Variants in DSCAM observed in about 807,000 individuals in gnomAD.
DSCAM encodes DS cell adhesion molecule.
In DSCAM, 47 loss-of-function variants were observed where a neutral mutation model predicts 217.7. The ratio of observed to expected loss-of-function variants is 0.22; its 90% CI spans 0.17 to 0.28. The LOEUF (loss-of-function observed/expected upper bound fraction) is 0.28, where lower values mean the gene tolerates loss of function less well. Ranked by LOEUF, DSCAM falls within the 10% of genes least tolerant of loss-of-function variation. The pLI is 1.00. For missense variants in DSCAM, 2,080 were observed against 2,618.3 expected (o/e 0.79, Z 4.49); for synonymous variants, 1,056 against 1,015.3 (o/e 1.04, Z -0.76).
intron 16 of DSCAM, among the ~76,000 whole-genome samples, chr21:40,151,387 C>T (rs557957115): frequency 6.6e-6 from 1 of 152,178 alleles, no homozygotes; most frequent in East Asian, 1.9e-4. Context: ...ACTTCTACCT[C>T]CTCTAGTGGC....
chr21:40,520,591 G>T (rs1460707278), intron 3 of DSCAM, among the ~76,000 whole-genome samples: 1 of 152,022 alleles, frequency 6.6e-6, no homozygotes, highest in Non-Finnish European at 1.5e-5. Flanking sequence ...GGCAGATCAC[G>T]AGATCAGGAG....
At chr21:40,676,055 A>G (rs1055307926) in intron 3 of DSCAM, among the ~76,000 whole-genome samples, 2 of 152,248 alleles carry the variant, frequency 1.3e-5, no homozygotes, top group African/African-American at 4.8e-5. Flanking sequence ...ATCAATAACT[A>G]TGCAACAAGT....
Position 40,319,392 on chromosome 21 carries a change from C to T in DSCAM, c.1784-7033G>A, listed in dbSNP as rs180896418. The stretch of plus-strand genomic sequence containing the variant: ...TGTCAAGGCACTGAACCTGCTGTGA[C>T]TTGGAGAAAACAAACAAGAAAGGCT... On this transcript the variant is annotated intron_variant, in intron 8 of 32. Transcript: ENST00000400454. 5.0e-4 allele frequency among the ~76,000 whole-genome samples: 76 copies of T among 152,266 alleles called. 2 individuals carry two copies. The highest frequency in any genetic ancestry group is 4.8e-3 in the Admixed American group (73 of 15,278).
chr21:40,841,640 A>G (rs979999184), intron 1 of DSCAM, among the ~76,000 whole-genome samples: 9 of 152,220 alleles, frequency 5.9e-5, no homozygotes, highest in African/African-American at 2.2e-4. Context: ...CGGGCACGTC[A>G]GCATCACCCC....
At chr21:40,028,490 C>A in intron 32 of DSCAM, among the ~76,000 whole-genome samples, 1 of 151,876 alleles carries the variant, frequency 6.6e-6, no homozygotes. Flanking sequence ...GCTCTGCTAG[C>A]AATCAGCGAG....
intron 32 of DSCAM, among the ~76,000 whole-genome samples, chr21:40,017,563 C>T (rs1332439550): frequency 1.0e-5 from 1 of 95,476 alleles, no homozygotes; most frequent in Non-Finnish European, 2.2e-5. Context: ...TGGGCCATAA[C>T]ATTTTTTTTT....
chr21:40,178,785 T>C lies in DSCAM; in HGVS notation c.2947+142A>G, dbSNP rs925070279. The C allele has an allele frequency of 1.2e-5, 11 of 955,244 alleles. No homozygotes were observed. In the South Asian group the frequency reaches 1.2e-4, roughly 10 times the overall value. 59.2% of individuals were successfully genotyped at this position (955,244 alleles called of 1,614,324 possible). A position where few individuals can be genotyped will look rare whatever the true frequency, so the allele number is the denominator to read the frequency against. ...TGCAGAGCGCTGTCTGCGTTTTTTA[T>C]AGGGCACAGAACTACGGAGAGCACG... On this transcript the variant is annotated intron_variant, in intron 15 of 32. Coordinates refer to ENST00000400454, the MANE Select transcript of DSCAM (RefSeq NM_001389.5).
chr21:40,182,429 G>C (rs1601416142), intron 14 of DSCAM, among the ~76,000 whole-genome samples: 1 of 151,980 alleles, frequency 6.6e-6, no homozygotes, highest in African/African-American at 2.4e-5. Context: ...AGCTTGCCAT[G>C]GTGCTGAAAC....
At chr21:40,236,166 G>A (rs1277428203) in intron 11 of DSCAM, among the ~76,000 whole-genome samples, 3 of 152,196 alleles carry the variant, frequency 2.0e-5, no homozygotes, top group African/African-American at 7.2e-5. Context: ...TTTCTTGCCT[G>A]CATTCTAGAA....
intron 11 of DSCAM, among the ~76,000 whole-genome samples, chr21:40,233,911 C>T (rs2091403762): frequency 6.6e-6 from 1 of 152,112 alleles, no homozygotes; most frequent in Non-Finnish European, 1.5e-5. Flanking sequence ...ATCTGACAGC[C>T]TCAGGTAAGG....
Position 40,263,234 on chromosome 21 carries a change from C to T in DSCAM, c.2356+12863G>A, listed in dbSNP as rs368277737. ...CAATATGGTAAAAAGGTGGGTCCCT[C>T]ACATTAAATTATTCTATAAATAATT... On this transcript the variant is annotated intron_variant, in intron 11 of 32. Transcript: ENST00000400454. Among the ~76,000 whole-genome samples the T allele has an allele frequency of 2.8e-4, 43 of 152,224 alleles. No homozygotes were observed. In the South Asian group the frequency reaches 5.8e-3, roughly 21 times the overall value.
intron 19 of DSCAM, among the ~76,000 whole-genome samples, chr21:40,125,816 T>C (rs1265316346): frequency 6.6e-6 from 1 of 152,176 alleles, no homozygotes; most frequent in Non-Finnish European, 1.5e-5. Flanking sequence ...CTGCCAGGGT[T>C]CCTCCTGAAC....
At chr21:40,146,559 C>T (rs902828884) in intron 16 of DSCAM, among the ~76,000 whole-genome samples, 5 of 152,164 alleles carry the variant, frequency 3.3e-5, no homozygotes, top group Non-Finnish European at 5.9e-5. Context: ...TCTGACTTAT[C>T]CAAGAGCAGT....
chr21:40,085,575 A>G (rs41462546), intron 23 of DSCAM, 27 bp downstream of exon 23: 24,823 of 1,466,250 alleles, frequency 0.017, 281 homozygotes, highest in South Asian at 0.025. Context: ...AAAAGATATC[A>G]TTAAAAAGAG....
At position 40,016,171 on chromosome 21, in the gene DSCAM, G is replaced by A. The variant is rs1028090700; in HGVS notation, c.5687-2785C>T. ...GGAGAGAGATATGATGATGGTCTGAGCTCAGGAGCAGCTGTGGGATGTGAG... is the reference window on the plus strand; with the variant it reads ...GGAGAGAGATATGATGATGGTCTGAACTCAGGAGCAGCTGTGGGATGTGAG... On this transcript the variant is annotated intron_variant, in intron 32 of 32. Transcript: ENST00000400454. The surrounding 1 kb of genome is among the most constrained non-coding windows in gnomAD (Gnocchi z 4.3). Among the ~76,000 whole-genome samples, 2 of 152,184 alleles carry A rather than the reference G, an allele frequency of 1.3e-5. No homozygotes were observed. The highest frequency in any genetic ancestry group is 2.9e-5 in the Non-Finnish European group (2 of 68,026).
At chr21:40,048,845 T>C (rs537451325) in intron 30 of DSCAM, among the ~76,000 whole-genome samples, 1 of 152,234 alleles carries the variant, frequency 6.6e-6, no homozygotes, top group African/African-American at 2.4e-5. Flanking sequence ...GGACTGTGCT[T>C]CAGAAAGTTC....
chr21:40,433,062 A>G (rs1253813711), intron 3 of DSCAM, among the ~76,000 whole-genome samples: 1 of 152,152 alleles, frequency 6.6e-6, no homozygotes, highest in Non-Finnish European at 1.5e-5. Context: ...ATTCATTAAT[A>G]TACCTGTCAA....
intron 32 of DSCAM, among the ~76,000 whole-genome samples, chr21:40,035,564 T>C (rs2088603640): frequency 7.4e-6 from 1 of 134,776 alleles, no homozygotes; most frequent in Admixed American, 7.3e-5. Context: ...ACATTAATAA[T>C]GGGAGACTTT....
rs1019308487 is a variant in DSCAM at position 40,016,121 on chromosome 21, AG to A, written c.5687-2736del. On this transcript the variant is annotated intron_variant, in intron 32 of 32. Coordinates refer to ENST00000400454, the MANE Select transcript of DSCAM (RefSeq NM_001389.5). This position sits in a 1 kb window ranked among gnomAD's most constrained non-coding sequence, Gnocchi z 4.3. ...GCTGGTGGTGTGTGGTCCTGGAGCG[AG>A]GGCCCAGGGTAAAGGATGTGCAGGG... is the stretch of plus-strand genomic sequence containing the variant. Among the ~76,000 whole-genome samples, 10 of 152,244 alleles carry A rather than the reference AG, an allele frequency of 6.6e-5. No individual in the cohort carries two copies. The highest frequency in any genetic ancestry group is 2.4e-4 in the African/African-American group (10 of 41,562).
Sources: gnomAD v4.1 joint callset for allele counts (sites outside exome capture counted in the v4.1 genomes callset) on GRCh38, gnomAD v4.1.1 for gene constraint, Gnocchi (gnomAD v3.1) non-coding constraint, MANE v1.5 for transcripts, NCBI Gene and HGNC (gene_info 2026-07-23, HGNC 2026-07-21) for gene names.